The following SLC7A11 variants were observed in gnomAD, a reference collection of about 807,000 sequenced individuals.
SLC7A11 encodes cystine/glutamate transporter.
In SLC7A11, 35 loss-of-function variants were observed where a neutral mutation model predicts 54.5. The ratio of observed to expected loss-of-function variants is 0.64; its 90% CI spans 0.49 to 0.85. The LOEUF (loss-of-function observed/expected upper bound fraction) is 0.85. Ranked by LOEUF, SLC7A11 falls within the 40% of genes least tolerant of loss-of-function variation. SLC7A11 has a pLI of 0.00. For missense variants in SLC7A11, 583 were observed against 618.1 expected (o/e 0.94, Z 0.60); for synonymous variants, 230 against 225.2 (o/e 1.02, Z -0.19).
chr4:138,232,203 C>A, intron 3 of SLC7A11, 64 bp downstream of exon 3: 1 of 1,109,712 alleles, frequency 9.0e-7, no homozygotes, highest in Non-Finnish European at 1.4e-6. Flanking sequence ...AGTCTAAAGA[C>A]ACTTTGTCTT....
At chr4:138,181,942 T>C (rs1048292586) in intron 9 of SLC7A11, among the ~76,000 whole-genome samples, 2 of 152,152 alleles carry the variant, frequency 1.3e-5, no homozygotes, top group African/African-American at 4.8e-5. Flanking sequence ...TTTTGGACTG[T>C]AGCTTTTTGC....
intron 3 of SLC7A11, among the ~76,000 whole-genome samples, chr4:138,230,281 G>T (rs760127610): frequency 2.0e-5 from 3 of 151,838 alleles, no homozygotes; most frequent in Admixed American, 6.6e-5. Flanking sequence ...AGGAGGGAGA[G>T]AATCAGAAAA....
intron 5 of SLC7A11, among the ~76,000 whole-genome samples, chr4:138,218,844 C>T (rs759724644): frequency 2.6e-5 from 4 of 152,034 alleles, no homozygotes; most frequent in African/African-American, 9.7e-5. Flanking sequence ...ACTTCTCTCA[C>T]GAGAAGCTGG....
At chr4:138,199,768 A>G (rs1300288211) in intron 6 of SLC7A11, among the ~76,000 whole-genome samples, 2 of 152,170 alleles carry the variant, frequency 1.3e-5, no homozygotes, top group Admixed American at 6.6e-5. Context: ...TATGTATTCA[A>G]ACTGAAGATT....
At chr4:138,177,331 A>G (rs71604680) in intron 11 of SLC7A11, 34 of 152,124 alleles carry the variant, frequency 2.2e-4, no homozygotes, top group Non-Finnish European at 4.0e-4. Flanking sequence ...AAGAAAAAGT[A>G]TGAAAGCTAT....
At chr4:138,239,085 C>T (rs773007257) in intron 1 of SLC7A11, among the ~76,000 whole-genome samples, 4 of 152,186 alleles carry the variant, frequency 2.6e-5, no homozygotes, top group Non-Finnish European at 5.9e-5. Context: ...CTACCTATAA[C>T]TAATTTTAAC....
At chr4:138,223,178 C>T (rs1297152836) in intron 4 of SLC7A11, 21 bp downstream of exon 4, 2 of 1,599,742 alleles carry the variant, frequency 1.3e-6, no homozygotes, top group African/African-American at 1.3e-5. Context: ...TTTTAAAAAG[C>T]ATTTGCTTTT....
rs184176527 is a variant in SLC7A11, at chr4:138,192,912, A to G, written c.792-7668T>C. On this transcript the variant is annotated intron_variant, in intron 6 of 11. Coordinates refer to ENST00000280612, the MANE Select transcript of SLC7A11 (RefSeq NM_014331.4). ...CTCTTGTTTTGCCCAAGGACTCATA[A>G]TAAGACAAGCAACGTTAAGTAAATA... 2.0e-5 allele frequency among the ~76,000 whole-genome samples: 3 copies of G among 152,294 alleles called. No homozygotes were observed. The East Asian group carries it at 5.8e-4, about 29-fold the overall frequency.
chr4:138,219,765 G>T (rs2148443290), intron 4 of SLC7A11, among the ~76,000 whole-genome samples: 1 of 152,188 alleles, frequency 6.6e-6, no homozygotes, highest in East Asian at 1.9e-4. Context: ...ATGCGGAGAG[G>T]TATCCAAGGT....
intron 6 of SLC7A11, among the ~76,000 whole-genome samples, chr4:138,214,294 A>G (rs1262791711): frequency 6.6e-6 from 1 of 151,974 alleles, no homozygotes; most frequent in Non-Finnish European, 1.5e-5. Context: ...TTTATATGGG[A>G]TAGGCTACCT....
rs1220022193 is a variant in SLC7A11, at chr4:138,180,518, T to G, written c.1266+123A>C. On this transcript the variant is annotated intron_variant, in intron 10 of 11. Transcript: ENST00000280612. ...ACAGGAAAGCACTGCCTGCAAGAGTTAAACATTTTTATTCCACAGATGCTG... is the reference window on the plus strand; with the variant it reads ...ACAGGAAAGCACTGCCTGCAAGAGTGAAACATTTTTATTCCACAGATGCTG... 2.4e-5 allele frequency: 23 copies of G among 947,792 alleles called. 1 individual carries two copies. The highest frequency in any genetic ancestry group is 3.2e-5 in the Non-Finnish European group (21 of 646,884). 58.7% of individuals were successfully genotyped at this position (947,792 alleles called of 1,614,324 possible).
Position 138,167,878 on chromosome 4 carries a change from G to C in SLC7A11, c.*4078C>G, listed in dbSNP as rs532391793. ...CTCTCTATATTTCTTTCCCAACTAA[G>C]AGCTATAATTAAAATCCCATTTATT... is the stretch of plus-strand genomic sequence containing the variant. On this transcript the variant is annotated 3_prime_UTR_variant, in exon 12 of 12. Coordinates refer to ENST00000280612, the MANE Select transcript of SLC7A11 (RefSeq NM_014331.4). 14 of 151,572 alleles carry C rather than the reference G, an allele frequency of 9.2e-5. No homozygotes were observed. The South Asian group carries it at 2.9e-3, about 32-fold the overall frequency. 9.4% of individuals were successfully genotyped at this position (151,572 alleles called of 1,614,324 possible).
chr4:138,227,180 C>G (rs1174563890), intron 3 of SLC7A11, among the ~76,000 whole-genome samples: 1 of 152,100 alleles, frequency 6.6e-6, no homozygotes, highest in Non-Finnish European at 1.5e-5. Context: ...GGGTTTTCTC[C>G]CAGGGTCAGG....
rs752926132 is a variant in SLC7A11, at chr4:138,179,375, G to A, written c.1286C>T (p.Ala429Val). Reference sequence around the variant, plus strand: ...GAAGAGGCATGTGAAGGAAAACAAAGCTGGGATGAACAGTGGCACCTGGAA... The same window carrying A: ...GAAGAGGCATGTGAAGGAAAACAAAACTGGGATGAACAGTGGCACCTGGAA... Reference protein sequence around the residue: ...RPFKVPLFIPALFSFTCLFMV... With the variant: ...RPFKVPLFIPVLFSFTCLFMV... The change falls in exon 11 of 12, where the codon GCT becomes GTT. Residue 429 changes from alanine (A) to valine (V), a missense_variant. By Grantham distance (64) the Ala-to-Val change is moderately conservative (BLOSUM62 0). Transcript: ENST00000280612. 1 of 1,612,096 alleles carries A rather than the reference G, an allele frequency of 6.2e-7. No individual in the cohort carries two copies. The highest frequency in any genetic ancestry group is 8.5e-7 in the Non-Finnish European group (1 of 1,179,002).
At chr4:138,200,140 G>A (rs143702149) in intron 6 of SLC7A11, among the ~76,000 whole-genome samples, 38 of 152,064 alleles carry the variant, frequency 2.5e-4, no homozygotes, top group Non-Finnish European at 2.8e-4. Context: ...CCTCAGGCCA[G>A]AATATAGAAA....
chr4:138,175,504 G>A (rs1237473073), intron 11 of SLC7A11, among the ~76,000 whole-genome samples: 1 of 151,964 alleles, frequency 6.6e-6, no homozygotes, highest in African/African-American at 2.4e-5. Context: ...TGGGGTATCC[G>A]CCCCTTTTTC....
At chr4:138,232,484 A>C (rs1738104061) in intron 2 of SLC7A11, 102 bp from the exon 3 acceptor site, 2 of 661,272 alleles carry the variant, frequency 3.0e-6, no homozygotes. Flanking sequence ...AACATGTTAA[A>C]TATGAAAGTC....
intron 6 of SLC7A11, among the ~76,000 whole-genome samples, chr4:138,196,304 T>A (rs1346674095): frequency 2.7e-5 from 4 of 150,878 alleles, no homozygotes; most frequent in Non-Finnish European, 5.9e-5. Context: ...CAGTGGGGAG[T>A]TGGGTACAAA....
chr4:138,181,546 A>G (rs936241001), intron 9 of SLC7A11, among the ~76,000 whole-genome samples: 2 of 152,160 alleles, frequency 1.3e-5, no homozygotes, highest in Admixed American at 6.6e-5. Context: ...CTTTAAAAAG[A>G]AATTTCAAGG....
Sources: gnomAD v4.1 joint callset for allele counts (sites outside exome capture counted in the v4.1 genomes callset) on GRCh38, gnomAD v4.1.1 for gene constraint, MANE v1.5 for transcripts, NCBI Gene and HGNC (gene_info 2026-07-23, HGNC 2026-07-21) for gene names.